VPS8: variants seen among roughly 807,000 people sequenced by gnomAD.
VPS8 encodes the protein VPS8 subunit of CORVET complex.
In VPS8, 129 loss-of-function variants were observed where a neutral mutation model predicts 216.4. The observed-to-expected ratio is 0.60, with a 90% confidence interval of 0.52 to 0.69. The LOEUF (loss-of-function observed/expected upper bound fraction) is 0.69. VPS8 is among the 30% of genes least tolerant of loss of function. The pLI is 0.00. For missense variants in VPS8, 1,531 were observed against 1,683.5 expected, an observed-to-expected ratio of 0.91 and a Z score of 1.59; for synonymous variants, 571 against 565.4, an observed-to-expected ratio of 1.01 and a Z score of -0.14.
chr3:184,857,994 GT>G (rs1316442998), intron 14 of VPS8, among the ~76,000 whole-genome samples: 2 of 152,178 alleles, frequency 1.3e-5, no homozygotes, highest in Non-Finnish European at 2.9e-5. Context: ...TCAGATTTTT[GT>G]TAAGATATCA....
At chr3:184,879,919 T>G (rs755366379) in intron 21 of VPS8, among the ~76,000 whole-genome samples, 2 of 152,220 alleles carry the variant, frequency 1.3e-5, no homozygotes, top group African/African-American at 2.4e-5. Flanking sequence ...GAAATAGATT[T>G]GGCTTTAACT....
intron 1 of VPS8, among the ~76,000 whole-genome samples, chr3:184,819,265 T>C (rs1577697224): frequency 6.6e-6 from 1 of 152,212 alleles, no homozygotes; most frequent in Non-Finnish European, 1.5e-5. Context: ...ACTGGGTAAT[T>C]ATGATTCCAT....
chr3:184,996,054 A>G (rs1038123216), intron 43 of VPS8, among the ~76,000 whole-genome samples: 4 of 152,252 alleles, frequency 2.6e-5, no homozygotes, highest in Admixed American at 2.0e-4. Context: ...ATGAAGCTGC[A>G]GAATGGCAGA....
rs1401817627 is a variant in VPS8, at chr3:184,826,318, T to C, written c.222+87T>C. On this transcript the variant is annotated intron_variant, in intron 3 of 47. Transcript: ENST00000625842. ...ATTAGTTATCATACATGCACCTAGA[T>C]GCGCACTTTCCAGTAGGGTAGCCAC... 16 of 990,072 alleles carry C rather than the reference T, an allele frequency of 1.6e-5. No homozygotes were observed. In the Admixed American group the frequency reaches 3.1e-4, roughly 19 times the overall value. The allele number at this position is 990,072 out of a possible 1,614,324, so 61.3% of individuals were successfully genotyped here. A position where few individuals can be genotyped will look rare whatever the true frequency, so the allele number is the denominator to read the frequency against.
chr3:184,987,371 C>A (rs1424043153), intron 42 of VPS8, among the ~76,000 whole-genome samples: 2 of 151,916 alleles, frequency 1.3e-5, no homozygotes, highest in Non-Finnish European at 2.9e-5. Context: ...ACCTCTGCCT[C>A]CCAAAGTGCT....
intron 21 of VPS8, among the ~76,000 whole-genome samples, chr3:184,873,965 C>T (rs1289375287): frequency 1.3e-5 from 2 of 152,140 alleles, no homozygotes; most frequent in African/African-American, 4.8e-5. Flanking sequence ...ACGTGACCTT[C>T]AGTGCATTAG....
intron 42 of VPS8, among the ~76,000 whole-genome samples, chr3:184,983,349 T>C (rs570372673): frequency 7.5e-4 from 115 of 152,346 alleles, no homozygotes; most frequent in Admixed American, 5.9e-3. Flanking sequence ...TATTCCCTGT[T>C]GCCTTGGGAT....
intron 16 of VPS8, 70 bp downstream of exon 16, chr3:184,863,137 T>G (rs1273569824): frequency 7.0e-5 from 110 of 1,561,858 alleles, no homozygotes; most frequent in Non-Finnish European, 9.5e-5. Context: ...TTATAGTTGT[T>G]TTAGAAATAG....
chr3:185,030,115 G>A (rs1027866693), intron 46 of VPS8, among the ~76,000 whole-genome samples: 6 of 152,014 alleles, frequency 3.9e-5, no homozygotes, highest in Admixed American at 1.3e-4. Flanking sequence ...GATAAAAATC[G>A]ACATAAAACC....
At chr3:184,913,747 A>G (rs1308470334) in intron 26 of VPS8, among the ~76,000 whole-genome samples, 186 bp downstream of exon 26, 1 of 152,210 alleles carries the variant, frequency 6.6e-6, no homozygotes, top group Admixed American at 6.5e-5. Context: ...GGCAACATCT[A>G]GAGACATTTT....
In VPS8 at chr3:184,838,783, A is replaced by G. The variant is rs936603789; in HGVS notation, c.480+37A>G. 27 of 1,487,172 alleles carry G rather than the reference A, an allele frequency of 1.8e-5. No individual in the cohort carries two copies. In the East Asian group the frequency reaches 5.3e-4, roughly 29 times the overall value. The allele number at this position is 1,487,172 out of a possible 1,614,324, so 92.1% of individuals were successfully genotyped here. ...TTAACTTTTTAAAGGTAAGTTTTCT[A>G]TTTGATTGGGTTTTCTTAGATTTAT... On this transcript the variant is annotated intron_variant, in intron 6 of 47. Coordinates refer to ENST00000625842, the MANE Select transcript of VPS8 (RefSeq NM_001009921.3).
In VPS8 at chr3:184,957,418, G is replaced by A; in HGVS notation, c.3080G>A (p.Cys1027Tyr). Residue 1027 changes from cysteine (C) to tyrosine (Y), a missense_variant, in exon 37 of 48, where the codon TGT (cysteine) becomes TAT (tyrosine). Cys to Tyr is a radical substitution (Grantham distance 194). Transcript: ENST00000625842. Reference protein sequence around the residue: ...VNQELLQISPCITEQFIELLC... With the variant: ...VNQELLQISPYITEQFIELLC... Reference sequence around the variant, plus strand: ...CAAGAATTACTGCAAATATCTCCTTGTATCACAGAGCAGTTCATTGAGCTG... The same window carrying A: ...CAAGAATTACTGCAAATATCTCCTTATATCACAGAGCAGTTCATTGAGCTG... 1.9e-6 allele frequency: 3 copies of A among 1,611,940 alleles called. No homozygotes were observed. The highest frequency in any genetic ancestry group is 2.5e-6 in the Non-Finnish European group (3 of 1,178,982).
At chr3:184,982,792 C>G in intron 41 of VPS8, 145 bp downstream of exon 41, 1 of 745,666 alleles carries the variant, frequency 1.3e-6, no homozygotes, top group East Asian at 2.8e-5. Context: ...TGGTTGATCT[C>G]ATCTTTCATG....
chr3:184,990,921 C>T (rs1404001592), intron 42 of VPS8, among the ~76,000 whole-genome samples: 1 of 42,524 alleles, frequency 2.4e-5, no homozygotes, highest in African/African-American at 4.6e-5. Flanking sequence ...ACCCAAATTA[C>T]ACCGTTTTTT....
intron 40 of VPS8, among the ~76,000 whole-genome samples, chr3:184,974,936 A>G (rs1749020771): frequency 6.6e-6 from 1 of 152,142 alleles, no homozygotes; most frequent in African/African-American, 2.4e-5. Context: ...TCATACCAGT[A>G]CTGTGCTGTT....
chr3:184,984,473 A>G (rs1193638927), intron 42 of VPS8, among the ~76,000 whole-genome samples: 1 of 151,580 alleles, frequency 6.6e-6, no homozygotes, highest in Non-Finnish European at 1.5e-5. Context: ...TTGTATTTTT[A>G]GTAGAGACCG....
intron 8 of VPS8, among the ~76,000 whole-genome samples, chr3:184,848,585 T>C (rs1723621629): frequency 6.8e-6 from 1 of 146,212 alleles, no homozygotes; most frequent in African/African-American, 2.6e-5. Context: ...TTTTTTTTTT[T>C]TGAGACCATG....
At chr3:185,034,925 G>T (rs550979982) in intron 46 of VPS8, among the ~76,000 whole-genome samples, 2 of 152,020 alleles carry the variant, frequency 1.3e-5, no homozygotes, top group African/African-American at 4.8e-5. Context: ...CACCACAACC[G>T]ATCCCACAGA....
intron 3 of VPS8, among the ~76,000 whole-genome samples, chr3:184,826,478 ATAGATAAAGAGTATTT>A (rs1718804777): frequency 1.3e-5 from 2 of 152,198 alleles, no homozygotes; most frequent in South Asian, 4.1e-4. Context: ...AGGGGACAGC[ATAGATAAAGAGTATTT>A]CCGTCATCAC....
Sources: allele counts gnomAD v4.1 joint callset (sites outside exome capture counted in the v4.1 genomes callset), GRCh38; gene constraint gnomAD v4.1.1; transcripts MANE v1.5; gene names NCBI Gene and HGNC (gene_info 2026-07-23, HGNC 2026-07-21).